NBAS: variants seen among roughly 807,000 people sequenced by gnomAD.
NBAS encodes NBAS subunit of NRZ tethering complex, also known as NAG/BC035112 fusion.
In NBAS, 219 loss-of-function variants were observed where a neutral mutation model predicts 302.5. That is an observed-to-expected ratio of 0.72 (90% confidence interval 0.65 to 0.81). The LOEUF (loss-of-function observed/expected upper bound fraction) is 0.81, where lower values mean the gene tolerates loss of function less well. Ranked by LOEUF, NBAS falls within the 30% of genes least tolerant of loss-of-function variation. NBAS has a pLI of 0.00. For synonymous variants in NBAS, 1,118 were observed against 1,021.6 expected (o/e 1.09, Z -1.80); for missense variants, 2,932 against 2,841.6 (o/e 1.03, Z -0.72).
At chr2:15,288,339 C>A (rs1301876673) in intron 41 of NBAS, among the ~76,000 whole-genome samples, 5 of 152,122 alleles carry the variant, frequency 3.3e-5, no homozygotes, top group African/African-American at 1.2e-4. Context: ...AAGAGAAGAC[C>A]ATGAAGCTCC....
the NBAS span, among the ~76,000 whole-genome samples, chr2:14,942,137 T>C: frequency 0.22 from 32,772 of 152,078 alleles, 3,727 homozygotes; most frequent in Non-Finnish European, 0.25. Flanking sequence ...TATCAGAGAG[T>C]TGAAGCTAAA....
At chr2:15,338,674 T>C (rs6707605) in intron 35 of NBAS, among the ~76,000 whole-genome samples, 294 of 134,676 alleles carry the variant, frequency 2.2e-3, no homozygotes, top group South Asian at 5.8e-3. Flanking sequence ...AACACACACA[T>C]ACACACACAC....
the NBAS span, among the ~76,000 whole-genome samples, chr2:14,780,407 C>A: frequency 6.6e-6 from 1 of 152,214 alleles, no homozygotes; most frequent in Non-Finnish European, 1.5e-5. Context: ...AAATGAAATT[C>A]TGTGAGAGGC....
the NBAS span, among the ~76,000 whole-genome samples, chr2:14,901,977 C>A: frequency 6.6e-6 from 1 of 152,170 alleles, no homozygotes; most frequent in African/African-American, 2.4e-5. Flanking sequence ...GCGATAACAG[C>A]CTCCCACCAG....
chr2:15,491,692 T>G (rs1023824830), intron 11 of NBAS, among the ~76,000 whole-genome samples: 30 of 151,124 alleles, frequency 2.0e-4, no homozygotes, highest in African/African-American at 7.1e-4. Context: ...GCTGAGATCG[T>G]GCCACTGCAC....
intron 21 of NBAS, among the ~76,000 whole-genome samples, chr2:15,440,938 A>G (rs1372615322): frequency 6.6e-6 from 1 of 152,094 alleles, no homozygotes; most frequent in Admixed American, 6.5e-5. Flanking sequence ...AAATGAAGCG[A>G]GAAGGGAAGT....
At chr2:15,115,222 C>T in the NBAS span, among the ~76,000 whole-genome samples, 15 of 152,238 alleles carry the variant, frequency 9.9e-5, no homozygotes, top group South Asian at 4.1e-4. Flanking sequence ...ATCAGAGAGA[C>T]GCTGCATCTA....
chr2:15,149,015 T>C, the NBAS span, among the ~76,000 whole-genome samples: 1 of 152,234 alleles, frequency 6.6e-6, no homozygotes, highest in Non-Finnish European at 1.5e-5. Context: ...AGCCATTTAA[T>C]TATCACTCCA....
intron 6 of NBAS, among the ~76,000 whole-genome samples, chr2:15,550,077 T>C (rs1664305543): frequency 6.6e-6 from 1 of 152,018 alleles, no homozygotes; most frequent in African/African-American, 2.4e-5. Flanking sequence ...GGCAGGAAGA[T>C]CACTTGAGCC....
Position 15,424,400 on chromosome 2 carries a change from C to T in NBAS, c.2492G>A (p.Arg831Lys). 1 of 1,614,110 alleles carries T rather than the reference C, an allele frequency of 6.2e-7. No individual in the cohort carries two copies. ...FLYAAQPELLRFRMTQLTVEK... is the reference protein window; with the variant it reads ...FLYAAQPELLKFRMTQLTVEK... ...CACCGTAAGCTGGGTCATCCTGAAC[C>T]TTAGTAACTCAGGCTGTGCAGCATA... The change falls in exon 23 of 52, where the codon AGG (arginine) becomes AAG (lysine). Residue 831 changes from arginine to lysine, a missense_variant. Transcript: ENST00000281513.
At chr2:15,065,458 T>C in the NBAS span, among the ~76,000 whole-genome samples, 1 of 152,050 alleles carries the variant, frequency 6.6e-6, no homozygotes, top group African/African-American at 2.4e-5. Context: ...AGAAGTAAGA[T>C]TATCTGTCTG....
At chr2:14,881,605 A>C in the NBAS span, among the ~76,000 whole-genome samples, 16 of 152,242 alleles carry the variant, frequency 1.1e-4, no homozygotes, top group African/African-American at 3.9e-4. Flanking sequence ...TTAAAAACTC[A>C]GAGAATACTA....
intron 21 of NBAS, among the ~76,000 whole-genome samples, chr2:15,436,377 C>G (rs537698612): frequency 1.3e-5 from 2 of 152,232 alleles, no homozygotes; most frequent in African/African-American, 4.8e-5. Context: ...TAGTAGCTCA[C>G]AGAAATGATT....
intron 48 of NBAS, among the ~76,000 whole-genome samples, chr2:15,206,048 T>C (rs1304181882): frequency 1.3e-5 from 2 of 151,978 alleles, no homozygotes; most frequent in African/African-American, 2.4e-5. Context: ...ACAGTTTGGG[T>C]TCAGAAGAAA....
At chr2:15,296,539 C>T (rs901541095) in intron 40 of NBAS, among the ~76,000 whole-genome samples, 2 of 92,114 alleles carry the variant, frequency 2.2e-5, no homozygotes, top group Admixed American at 1.0e-4. Context: ...AAAAACAAAA[C>T]AAAACAAAAA....
chr2:15,285,910 G>A (rs760748817), intron 42 of NBAS, among the ~76,000 whole-genome samples: 6 of 152,070 alleles, frequency 3.9e-5, no homozygotes, highest in Non-Finnish European at 8.8e-5. Context: ...CTATCACAGC[G>A]CGGCCTCCCA....
At chr2:14,851,342 C>A in the NBAS span, among the ~76,000 whole-genome samples, 6 of 151,750 alleles carry the variant, frequency 4.0e-5, no homozygotes, top group South Asian at 6.2e-4. Flanking sequence ...GAAATGGATA[C>A]ATTCCTCGAC....
chr2:15,483,341 A>G lies in NBAS; in HGVS notation c.1084-5052T>C, dbSNP rs911132293. The G allele has an allele frequency of 2.1e-5, 9 of 438,900 alleles. No individual in the cohort carries two copies. In the East Asian group the frequency reaches 2.9e-4, roughly 14 times the overall value. 27.2% of individuals were successfully genotyped at this position (438,900 alleles called of 1,614,324 possible). On this transcript the variant is annotated intron_variant, in intron 12 of 51. Coordinates refer to ENST00000281513, the MANE Select transcript of NBAS (RefSeq NM_015909.4). ...ACTGCCATCTTCCCACTTACTCTTC[A>G]TTCATCTACTTAAGATTAGTCCAAC... is the stretch of plus-strand genomic sequence containing the variant.
the NBAS span, among the ~76,000 whole-genome samples, chr2:14,829,003 C>G: frequency 2.7e-5 from 4 of 150,772 alleles, no homozygotes; most frequent in Non-Finnish European, 5.9e-5. Flanking sequence ...ACAATTAATG[C>G]TTTCTGTTTA....
Sources: gnomAD v4.1 joint callset for allele counts (sites outside exome capture counted in the v4.1 genomes callset) on GRCh38, gnomAD v4.1.1 for gene constraint, MANE v1.5 for transcripts, NCBI Gene and HGNC (gene_info 2026-07-23, HGNC 2026-07-21) for gene names.